Variants in KITLG observed in about 807,000 individuals in gnomAD.
KITLG encodes KIT ligand.
In KITLG, 13 loss-of-function variants were observed where a neutral mutation model predicts 34.1. The ratio of observed to expected loss-of-function variants is 0.38; its 90% CI spans 0.25 to 0.61. The LOEUF (loss-of-function observed/expected upper bound fraction) is 0.61, where lower values mean the gene tolerates loss of function less well. Ranked by LOEUF, KITLG falls within the 20% of genes least tolerant of loss-of-function variation. KITLG has a pLI of 0.60. For synonymous variants in KITLG, 110 were observed against 104.0 expected (o/e 1.06, Z -0.35); for missense variants, 292 against 318.9 (o/e 0.92, Z 0.64).
chr12:88,540,941 G>T (rs1042462518), intron 2 of KITLG, among the ~76,000 whole-genome samples: 2 of 151,970 alleles, frequency 1.3e-5, no homozygotes, highest in African/African-American at 4.8e-5. Context: ...TTTTTCGAAG[G>T]TCAAACAAAA....
At chr12:88,556,474 T>C (rs2120940092) in intron 1 of KITLG, among the ~76,000 whole-genome samples, 1 of 152,212 alleles carries the variant, frequency 6.6e-6, no homozygotes, top group South Asian at 2.1e-4. Context: ...GATAAGGGCC[T>C]TAACTAGGGC....
At chr12:88,532,549 C>T (rs752930773) in intron 2 of KITLG, 46 bp from the exon 3 acceptor site, 10 of 1,278,356 alleles carry the variant, frequency 7.8e-6, no homozygotes, top group Non-Finnish European at 1.1e-5. Context: ...TCTTATACAT[C>T]AATTAATCAT....
chr12:88,569,613 G>A (rs534942881), intron 1 of KITLG, among the ~76,000 whole-genome samples: 1 of 152,238 alleles, frequency 6.6e-6, no homozygotes, highest in African/African-American at 2.4e-5. Flanking sequence ...TATGATAAAT[G>A]TACCATTGCT....
At chr12:88,502,654 C>T (rs191357555) in intron 9 of KITLG, among the ~76,000 whole-genome samples, 362 of 152,204 alleles carry the variant, frequency 2.4e-3, no homozygotes, top group Non-Finnish European at 3.4e-3. Flanking sequence ...CATCTTTTTT[C>T]CTCCTAAACA....
At chr12:88,498,810 G>A (rs974140848) in intron 9 of KITLG, among the ~76,000 whole-genome samples, 6 of 152,088 alleles carry the variant, frequency 3.9e-5, no homozygotes, top group Non-Finnish European at 8.8e-5. Context: ...GGAGGCGGAG[G>A]TTGCAGTGAG....
intron 2 of KITLG, among the ~76,000 whole-genome samples, chr12:88,544,281 C>T (rs532538162): frequency 5.3e-5 from 8 of 152,200 alleles, no homozygotes; most frequent in African/African-American, 1.2e-4. Flanking sequence ...CCTCAGATCC[C>T]GCTGACATAT....
At chr12:88,567,447 A>C (rs1262368012) in intron 1 of KITLG, among the ~76,000 whole-genome samples, 1 of 152,224 alleles carries the variant, frequency 6.6e-6, no homozygotes, top group African/African-American at 2.4e-5. Flanking sequence ...ATGTTCTGTC[A>C]AAGAATGGAA....
intron 1 of KITLG, among the ~76,000 whole-genome samples, chr12:88,560,181 A>C (rs1871250857): frequency 6.6e-6 from 1 of 152,228 alleles, no homozygotes; most frequent in African/African-American, 2.4e-5. Context: ...GCCAATTGGC[A>C]GATCTATGAG....
chr12:88,564,270 T>G (rs1398122977), intron 1 of KITLG: 1 of 152,178 alleles, frequency 6.6e-6, no homozygotes, highest in African/African-American at 2.4e-5. Context: ...ACTTTCTTCT[T>G]GGAGCAGAAA....
At chr12:88,509,652 G>T (rs1869199608) in intron 6 of KITLG, among the ~76,000 whole-genome samples, 1 of 152,130 alleles carries the variant, frequency 6.6e-6, no homozygotes, top group Non-Finnish European at 1.5e-5. Context: ...GGAGGGTTGG[G>T]GGAAGCGCCC....
In KITLG at chr12:88,511,229, C is replaced by T. The variant is rs973302434; in HGVS notation, c.605-4092G>A. On this transcript the variant is annotated intron_variant, in intron 6 of 9. Transcript: ENST00000644744. ...TAGGAAAGACTTTTGTTTCCAAATA[C>T]GATGGTAGCAGACTAGCCTTTCCAA... Among the ~76,000 whole-genome samples, 5 of 152,142 alleles carry T rather than the reference C, an allele frequency of 3.3e-5. No individual in the cohort carries two copies. In the South Asian group the frequency reaches 8.3e-4, roughly 25 times the overall value.
At chr12:88,500,093 T>A (rs1173601071) in intron 9 of KITLG, among the ~76,000 whole-genome samples, 1 of 152,188 alleles carries the variant, frequency 6.6e-6, no homozygotes, top group East Asian at 1.9e-4. Context: ...CTTCTCAGCA[T>A]TTAACTCTTT....
intron 3 of KITLG, among the ~76,000 whole-genome samples, chr12:88,524,195 C>A (rs1448181032): frequency 6.6e-6 from 1 of 152,200 alleles, no homozygotes; most frequent in African/African-American, 2.4e-5. Context: ...TATCCATCTG[C>A]AGCTCCTCTC....
At chr12:88,512,713 A>G (rs567803226) in intron 6 of KITLG, among the ~76,000 whole-genome samples, 3 of 151,876 alleles carry the variant, frequency 2.0e-5, no homozygotes, top group African/African-American at 7.2e-5. Context: ...TTCAGAAACA[A>G]TAACTGCAGG....
intron 2 of KITLG, among the ~76,000 whole-genome samples, chr12:88,536,021 C>T (rs1476206379): frequency 6.6e-6 from 1 of 152,078 alleles, no homozygotes; most frequent in African/African-American, 2.4e-5. Flanking sequence ...TCCTCAAAAG[C>T]AATTCCAACA....
Position 88,496,406 on chromosome 12 carries a change from G to A in KITLG, c.*813C>T, listed in dbSNP as rs1021093570. On this transcript the variant is annotated 3_prime_UTR_variant, in exon 10 of 10. Transcript: ENST00000644744. ...GATTTATACACCCTATAGTGGTCAA[G>A]GGAAAAGGCGGACTTTCCCAGGATG... The A allele has an allele frequency of 6.6e-6, 1 of 152,144 alleles. No individual in the cohort carries two copies. The highest frequency in any genetic ancestry group is 2.4e-5 in the African/African-American group (1 of 41,432). 9.4% of individuals were successfully genotyped at this position (152,144 alleles called of 1,614,324 possible). A position where few individuals can be genotyped will look rare whatever the true frequency, so the allele number is the denominator to read the frequency against.
At position 88,559,867 on chromosome 12, in the gene KITLG, A is replaced by C. The variant is rs558150014; in HGVS notation, c.16-14002T>G. ...ATAAACTTCAATTGCAGATTCATTG[A>C]CATGCCTGAGACACATTTCTCTGGT... On this transcript the variant is annotated intron_variant, in intron 1 of 9. Coordinates refer to ENST00000644744, the MANE Select transcript of KITLG (RefSeq NM_000899.5). Among the ~76,000 whole-genome samples the C allele has an allele frequency of 3.3e-5, 5 of 152,324 alleles. No individual in the cohort carries two copies. The South Asian group carries it at 8.3e-4, about 25-fold the overall frequency.
chr12:88,532,898 A>C (rs1870151873), intron 2 of KITLG, among the ~76,000 whole-genome samples: 1 of 152,096 alleles, frequency 6.6e-6, no homozygotes, highest in Non-Finnish European at 1.5e-5. Context: ...CAAAATGTGG[A>C]CCTCAAAGTG....
chr12:88,530,129 T>C (rs1448559140), intron 3 of KITLG, among the ~76,000 whole-genome samples: 1 of 152,178 alleles, frequency 6.6e-6, no homozygotes, highest in Non-Finnish European at 1.5e-5. Flanking sequence ...CAGGTTATCT[T>C]TGGGTGCTTG....
Sources: gnomAD v4.1 joint callset for allele counts (sites outside exome capture counted in the v4.1 genomes callset) on GRCh38, gnomAD v4.1.1 for gene constraint, MANE v1.5 for transcripts, NCBI Gene and HGNC (gene_info 2026-07-23, HGNC 2026-07-21) for gene names.